ZFHX4: variants seen among roughly 807,000 people sequenced by gnomAD.
ZFHX4 encodes zinc finger homeobox protein 4.
ZFHX4 carries 56 observed loss-of-function variants against 267.6 expected under a neutral mutation model. The observed-to-expected ratio is 0.21, with a 90% CI of 0.17 to 0.26. The LOEUF (loss-of-function observed/expected upper bound fraction) is 0.26, where lower values mean the gene tolerates loss of function less well. ZFHX4 is among the 10% of genes least tolerant of loss of function. The probability of loss-of-function intolerance (pLI) is 1.00; values close to 1 mark genes in which losing one functional copy is unlikely to be tolerated. For synonymous variants in ZFHX4, 1,778 were observed against 1,665.6 expected, an observed-to-expected ratio of 1.07 and a Z score of -1.64; for missense variants, 4,332 against 4,420.0, an observed-to-expected ratio of 0.98 and a Z score of 0.56.
rs575337168 is a variant in ZFHX4, at chr8:76,789,854, A to G, written c.3325+11415A>G. Among the ~76,000 whole-genome samples the G allele has an allele frequency of 3.3e-5, 5 of 152,236 alleles. No individual in the cohort carries two copies. In the East Asian group the frequency reaches 9.6e-4, roughly 29 times the overall value. ...ATGTGCATATGCATTTAGAAAAACA[A>G]TTTTTCAGATATGAATGCACGACAG... On this transcript the variant is annotated intron_variant, in intron 4 of 10. Coordinates refer to ENST00000651372, the MANE Select transcript of ZFHX4 (RefSeq NM_024721.5).
chr8:76,754,113 T>C (rs998038255), intron 3 of ZFHX4, among the ~76,000 whole-genome samples: 2 of 152,190 alleles, frequency 1.3e-5, no homozygotes, highest in Non-Finnish European at 2.9e-5. Context: ...ATTTGAGAAA[T>C]GTGAACAGTT....
Position 76,856,296 on chromosome 8 carries a change from A to G in ZFHX4, c.9375A>G (p.Ser3125=), listed in dbSNP as rs1812726596. Reference sequence around the variant, plus strand: ...CCTTGCCGGGATTTCCACAAAATTCAAACAGTAAGTCATTTAAAGGAGACT... The same window carrying G: ...CCTTGCCGGGATTTCCACAAAATTCGAACAGTAAGTCATTTAAAGGAGACT... ...PSSLPGFPQN[S]NTLTPPGAGM... The change falls in exon 10 of 11, where the codon TCA becomes TCG. Residue 3125 remains serine, a synonymous_variant. Coordinates refer to ENST00000651372, the MANE Select transcript of ZFHX4 (RefSeq NM_024721.5). 6.2e-7 allele frequency: 1 copy of G among 1,613,730 alleles called. No individual in the cohort carries two copies. The highest frequency in any genetic ancestry group is 8.5e-7 in the Non-Finnish European group (1 of 1,179,846).
intron 3 of ZFHX4, among the ~76,000 whole-genome samples, chr8:76,718,440 T>C (rs1457031603): frequency 6.6e-6 from 1 of 152,164 alleles, no homozygotes; most frequent in African/African-American, 2.4e-5. Flanking sequence ...TGATTTTTAT[T>C]AGAAAATTAG....
chr8:76,720,975 C>T (rs1377974608), intron 3 of ZFHX4, among the ~76,000 whole-genome samples: 3 of 152,106 alleles, frequency 2.0e-5, no homozygotes, highest in Admixed American at 2.0e-4. Flanking sequence ...TTAAATAGAA[C>T]ACTTTATTAC....
chr8:76,845,552 G>A (rs2131923747), intron 6 of ZFHX4, among the ~76,000 whole-genome samples: 1 of 152,002 alleles, frequency 6.6e-6, no homozygotes, highest in African/African-American at 2.4e-5. Flanking sequence ...AATAACATCT[G>A]TTATATCCAA....
chr8:76,711,285 C>CA (rs1808417059), intron 3 of ZFHX4, among the ~76,000 whole-genome samples: 1 of 152,094 alleles, frequency 6.6e-6, no homozygotes, highest in South Asian at 2.1e-4. Context: ...AAGTGCTAAG[C>CA]ACTACTAAAT....
Position 76,784,526 on chromosome 8 carries a change from C to T in ZFHX4, c.3325+6087C>T, listed in dbSNP as rs528441924. Among the ~76,000 whole-genome samples, 8 of 151,916 alleles carry T rather than the reference C, an allele frequency of 5.3e-5. No individual in the cohort carries two copies. In the East Asian group the frequency reaches 7.7e-4, roughly 15 times the overall value. On this transcript the variant is annotated intron_variant, in intron 4 of 10. Transcript: ENST00000651372. ...ATGGGTGATGTGCTAATGTGTGGGC[C>T]GCCATTTTCTTTTTCTCCTCACACA...
At chr8:76,758,102 G>A (rs1320937079) in intron 3 of ZFHX4, among the ~76,000 whole-genome samples, 2 of 152,132 alleles carry the variant, frequency 1.3e-5, no homozygotes, top group African/African-American at 2.4e-5. Context: ...ACCAAGGAAG[G>A]AACACAGTCT....
chr8:76,681,268 A>T lies in ZFHX4; in HGVS notation c.-399A>T, dbSNP rs1268344086. Reference sequence around the variant, plus strand: ...AGACACACAAAGACATGCGCACTCAACTTAATCAGCCATTTTTTTAAACAG... The same window carrying T: ...AGACACACAAAGACATGCGCACTCATCTTAATCAGCCATTTTTTTAAACAG... On this transcript the variant is annotated 5_prime_UTR_variant, in exon 1 of 11. Coordinates refer to ENST00000651372, the MANE Select transcript of ZFHX4 (RefSeq NM_024721.5). The T allele has an allele frequency of 7.5e-6, 3 of 397,960 alleles. No homozygotes were observed. Among genetic ancestry groups the T allele is most frequent in the Non-Finnish European group, 1.3e-5 (3 of 225,770 alleles). The allele number at this position is 397,960 out of a possible 1,614,324, so 24.7% of individuals were successfully genotyped here. A position where few individuals can be genotyped will look rare whatever the true frequency, so the allele number is the denominator to read the frequency against.
chr8:76,851,727 C>T lies in ZFHX4; in HGVS notation c.4806C>T (p.Tyr1602=). The part of the protein sequence containing the change: ...PYKCSICNVA[Y]SQSSTLEIHM... ...AGTGCAGCATCTGCAATGTTGCATA[C>T]AGCCAAAGCTCAACATTGGAAATCC... Residue 1602 remains tyrosine, a synonymous_variant, in exon 10 of 11, where the codon TAC becomes TAT. Transcript: ENST00000651372. 6.2e-7 allele frequency: 1 copy of T among 1,613,970 alleles called. No homozygotes were observed. The highest frequency in any genetic ancestry group is 8.5e-7 in the Non-Finnish European group (1 of 1,179,872).
rs370995988 is a variant in ZFHX4, at chr8:76,856,063, G to C, written c.9142G>C (p.Asp3048His). 1.9e-6 allele frequency: 3 copies of C among 1,613,880 alleles called. No individual in the cohort carries two copies. In the African/African-American group the frequency reaches 4.0e-5, roughly 22 times the overall value. Residue 3048 changes from aspartate (D) to histidine (H), a missense_variant, in exon 10 of 11, where the codon GAT (aspartate) becomes CAT (histidine). Physicochemically the swap from Asp to His is moderately conservative, Grantham distance 81. Around this residue, in one of 7 missense-constraint regions of ZFHX4, gnomAD observed 1,648 missense variants for 1,625.0 expected, o/e 1.01. Coordinates refer to ENST00000651372, the MANE Select transcript of ZFHX4 (RefSeq NM_024721.5). ...TVGSQLDREK[D>H]YLAPTTVRQL... ...TGGCAGTCAGCTCGATCGGGAGAAAGATTACTTGGCTCCGACCACGGTTCG... is the reference window on the plus strand; with the variant it reads ...TGGCAGTCAGCTCGATCGGGAGAAACATTACTTGGCTCCGACCACGGTTCG...
At chr8:76,777,649 T>C (rs1810433298) in intron 3 of ZFHX4, among the ~76,000 whole-genome samples, 1 of 152,148 alleles carries the variant, frequency 6.6e-6, no homozygotes, top group Non-Finnish European at 1.5e-5. Flanking sequence ...TAGTCCCAGA[T>C]TGTTTTTGCT....
chr8:76,806,992 G>A (rs1259738426), intron 4 of ZFHX4, among the ~76,000 whole-genome samples: 1 of 152,170 alleles, frequency 6.6e-6, no homozygotes, highest in East Asian at 1.9e-4. Flanking sequence ...AGATCAGAGA[G>A]GCCTGTGACA....
At chr8:76,813,051 C>T (rs1463493462) in intron 4 of ZFHX4, among the ~76,000 whole-genome samples, 2 of 152,060 alleles carry the variant, frequency 1.3e-5, no homozygotes, top group African/African-American at 4.8e-5. Context: ...TTCTCAGGAT[C>T]TTTAATGCTA....
intron 4 of ZFHX4, among the ~76,000 whole-genome samples, chr8:76,807,765 C>T (rs1044872956): frequency 6.6e-6 from 1 of 152,102 alleles, no homozygotes; most frequent in South Asian, 2.1e-4. Flanking sequence ...TAAAGATTTA[C>T]AATCAATGCC....
rs1585878874 is a variant in ZFHX4, at chr8:76,718,450, G to A, written c.3093+10402G>A. ...GTTTATGATTTTTATTAGAAAATTA[G>A]GTAATTTAAAAAACCCGCACATTTG... is the stretch of plus-strand genomic sequence containing the variant. On this transcript the variant is annotated intron_variant, in intron 3 of 10. Transcript: ENST00000651372. Among the ~76,000 whole-genome samples, 3 of 151,868 alleles carry A rather than the reference G, an allele frequency of 2.0e-5. No individual in the cohort carries two copies. The East Asian group carries it at 5.8e-4, about 29-fold the overall frequency.
At chr8:76,786,871 CA>C (rs1208479209) in intron 4 of ZFHX4, among the ~76,000 whole-genome samples, 9 of 152,084 alleles carry the variant, frequency 5.9e-5, no homozygotes, top group Non-Finnish European at 1.3e-4. Context: ...ATTTGTTCAC[CA>C]TAACGAAGAA....
intron 5 of ZFHX4, among the ~76,000 whole-genome samples, chr8:76,840,614 T>A (rs1454812864): frequency 1.3e-5 from 2 of 152,170 alleles, no homozygotes; most frequent in Non-Finnish European, 2.9e-5. Context: ...TGAGTTGCCA[T>A]AGCCCTTACA....
chr8:76,748,477 C>T (rs1234741915), intron 3 of ZFHX4, among the ~76,000 whole-genome samples: 1 of 152,188 alleles, frequency 6.6e-6, no homozygotes, highest in African/African-American at 2.4e-5. Flanking sequence ...TCGCTGTCCT[C>T]AGGCCAGAGT....
Sources: gnomAD v4.1 joint callset for allele counts (sites outside exome capture counted in the v4.1 genomes callset) on GRCh38, gnomAD v4.1.1 for gene constraint, gnomAD v4.1.1 regional missense constraint, MANE v1.5 for transcripts, NCBI Gene and HGNC (gene_info 2026-07-23, HGNC 2026-07-21) for gene names.